Variants in SULF1 observed in about 807,000 individuals in gnomAD.
SULF1 encodes the protein sulfatase 1.
SULF1 carries 46 observed loss-of-function variants against 110.5 expected under a neutral mutation model. The ratio of observed to expected loss-of-function variants is 0.42; its 90% CI spans 0.33 to 0.53. The LOEUF (loss-of-function observed/expected upper bound fraction) is 0.53, where lower values mean the gene tolerates loss of function less well. SULF1 is among the 20% of genes least tolerant of loss of function. The pLI, the probability that SULF1 is intolerant of heterozygous loss-of-function variation, is 0.12. For synonymous variants in SULF1, 371 were observed against 387.1 expected (o/e 0.96, Z 0.49); for missense variants, 941 against 1,094.2 (o/e 0.86, Z 1.98).
Position 69,607,478 on chromosome 8 carries a change from C to G in SULF1, c.1377+2546C>G, listed in dbSNP as rs191274503. 7.9e-5 allele frequency among the ~76,000 whole-genome samples: 12 copies of G among 152,292 alleles called. No homozygotes were observed. The East Asian group carries it at 2.3e-3, about 29-fold the overall frequency. On this transcript the variant is annotated intron_variant, in intron 13 of 22. Coordinates refer to ENST00000402687, the MANE Select transcript of SULF1 (RefSeq NM_001128205.2). The stretch of plus-strand genomic sequence containing the variant: ...CTCCTGGGCTCAGGTTATCCTCCTA[C>G]CTCAGCCTCCTGAGTAGCTAGGACT...
chr8:69,590,455 G>A (rs566726284), intron 8 of SULF1, among the ~76,000 whole-genome samples: 2 of 152,274 alleles, frequency 1.3e-5, no homozygotes, highest in African/African-American at 4.8e-5. Flanking sequence ...ATGAGCCACC[G>A]CACCCAGCCT....
At chr8:69,539,679 G>A (rs925657702) in intron 3 of SULF1, among the ~76,000 whole-genome samples, 5 of 152,156 alleles carry the variant, frequency 3.3e-5, no homozygotes, top group East Asian at 1.9e-4. Flanking sequence ...GGCATTCCTC[G>A]AGTCTCGGGG....
chr8:69,658,456 A>G, intron 22 of SULF1, 49 bp from the exon 23 acceptor site: 9 of 1,404,748 alleles, frequency 6.4e-6, no homozygotes, highest in East Asian at 2.3e-5. Flanking sequence ...CCAGGTAAGT[A>G]GAAAGCCTTT....
At position 69,642,668 on chromosome 8, in the gene SULF1, G is replaced by A. The variant is rs570958901; in HGVS notation, c.2585+1827G>A. Among the ~76,000 whole-genome samples, 16 of 152,256 alleles carry A rather than the reference G, an allele frequency of 1.1e-4. No individual in the cohort carries two copies. In the East Asian group the frequency reaches 2.9e-3, roughly 28 times the overall value. On this transcript the variant is annotated intron_variant, in intron 22 of 22. Transcript: ENST00000402687. ...AATATTGACTTTACAGTTATTTTAT[G>A]AGGCACTCAATTTATAGCTAAGGGT...
intron 3 of SULF1, among the ~76,000 whole-genome samples, chr8:69,549,181 A>G (rs1352237921): frequency 6.6e-6 from 1 of 152,234 alleles, no homozygotes; most frequent in African/African-American, 2.4e-5. Context: ...GAGAAGAGCC[A>G]CAGCTTGGAG....
intron 3 of SULF1, among the ~76,000 whole-genome samples, chr8:69,532,988 A>T (rs1180168463): frequency 2.0e-5 from 3 of 152,206 alleles, no homozygotes; most frequent in Non-Finnish European, 2.9e-5. Flanking sequence ...ACTAATCTGG[A>T]TGTACTAATA....
At chr8:69,539,184 T>A (rs1813688615) in intron 3 of SULF1, among the ~76,000 whole-genome samples, 1 of 152,190 alleles carries the variant, frequency 6.6e-6, no homozygotes, top group South Asian at 2.1e-4. Flanking sequence ...TGGAAATACC[T>A]TAGCCATTGT....
At chr8:69,515,931 G>A (rs56666081) in intron 3 of SULF1, among the ~76,000 whole-genome samples, 1,615 of 152,146 alleles carry the variant, frequency 0.011, 43 homozygotes, top group East Asian at 0.091. Context: ...ATCTCCATTC[G>A]AGACCACCTC....
chr8:69,600,579 A>G, intron 8 of SULF1, 24 bp from the exon 9 acceptor site: 1 of 1,588,902 alleles, frequency 6.3e-7, no homozygotes, highest in Non-Finnish European at 8.6e-7. Flanking sequence ...ATATATAGTA[A>G]GATTCCTTTC....
At chr8:69,645,232 T>C (rs1811804773) in intron 22 of SULF1, among the ~76,000 whole-genome samples, 1 of 152,154 alleles carries the variant, frequency 6.6e-6, no homozygotes, top group African/African-American at 2.4e-5. Context: ...AAGGTCAGAC[T>C]TGGGTTAGTC....
At position 69,653,001 on chromosome 8, in the gene SULF1, A is replaced by G. The variant is rs560729761; in HGVS notation, c.2586-5504A>G. Among the ~76,000 whole-genome samples, 6 of 152,142 alleles carry G rather than the reference A, an allele frequency of 3.9e-5. No individual in the cohort carries two copies. In the East Asian group the frequency reaches 1.2e-3, roughly 29 times the overall value. On this transcript the variant is annotated intron_variant, in intron 22 of 22. Transcript: ENST00000402687. ...TTAACAGCATCAATTTCGGCAAACT[A>G]TTTTCCTGAGCAACTACGTTTCATC...
intron 3 of SULF1, among the ~76,000 whole-genome samples, chr8:69,555,373 G>C (rs1413597062): frequency 2.0e-5 from 3 of 152,086 alleles, no homozygotes; most frequent in South Asian, 4.1e-4. Context: ...AAGTAGGCCA[G>C]TGGGCTGGGC....
intron 5 of SULF1, among the ~76,000 whole-genome samples, chr8:69,564,705 G>A (rs545889900): frequency 2.4e-4 from 37 of 152,294 alleles, no homozygotes; most frequent in African/African-American, 8.4e-4. Context: ...TAGGCTAAGC[G>A]TAGAGCACCC....
chr8:69,581,870 C>T (rs1806091975), intron 6 of SULF1, among the ~76,000 whole-genome samples: 1 of 152,078 alleles, frequency 6.6e-6, no homozygotes, highest in South Asian at 2.1e-4. Flanking sequence ...AGTGCTGCAC[C>T]CTGACACCCA....
At chr8:69,645,627 T>C (rs1811842608) in intron 22 of SULF1, among the ~76,000 whole-genome samples, 1 of 152,004 alleles carries the variant, frequency 6.6e-6, no homozygotes, top group African/African-American at 2.4e-5. Flanking sequence ...TTCCAAGGAG[T>C]TGGCATTTAT....
chr8:69,586,257 T>C lies in SULF1; in HGVS notation c.413-100T>C. The C allele has an allele frequency of 3.1e-6, 4 of 1,285,384 alleles. No homozygotes were observed. In the Admixed American group the frequency reaches 8.8e-5, roughly 28 times the overall value. 79.6% of individuals were successfully genotyped at this position (1,285,384 alleles called of 1,614,324 possible). A position where few individuals can be genotyped will look rare whatever the true frequency, so the allele number is the denominator to read the frequency against. On this transcript the variant is annotated intron_variant, in intron 6 of 22. Transcript: ENST00000402687. Reference sequence around the variant, plus strand: ...ATTCACTATTACCTAGGGCAACTTTTGTTTTACCGTCTCTTTTTCAAGTCA... The same window carrying C: ...ATTCACTATTACCTAGGGCAACTTTCGTTTTACCGTCTCTTTTTCAAGTCA...
intron 3 of SULF1, among the ~76,000 whole-genome samples, chr8:69,558,172 G>A (rs1298763654): frequency 6.6e-6 from 1 of 152,152 alleles, no homozygotes; most frequent in Non-Finnish European, 1.5e-5. Context: ...CCAAAATTAA[G>A]GGGAAAGGGC....
intron 6 of SULF1, among the ~76,000 whole-genome samples, chr8:69,577,976 A>T (rs1190223550): frequency 1.3e-5 from 2 of 152,124 alleles, no homozygotes. Flanking sequence ...CCTGGCAAAC[A>T]GAAACAAAGA....
In SULF1 at chr8:69,628,204, A is replaced by G; in HGVS notation, c.2076A>G (p.Gln692=). ...YYNKEKGVKK[Q]EKLKSHLHPF... ...ATAAAGAGAAAGGTGTAAAAAAGCA[A>G]GAGAAATTAAAGAGCCATCTTCACC... The change falls in exon 18 of 23, where the codon CAA becomes CAG. Residue 692 remains glutamine, a synonymous_variant. Coordinates refer to ENST00000402687, the MANE Select transcript of SULF1 (RefSeq NM_001128205.2). 6.2e-7 allele frequency: 1 copy of G among 1,614,084 alleles called. No individual in the cohort carries two copies. The highest frequency in any genetic ancestry group is 8.5e-7 in the Non-Finnish European group (1 of 1,179,894).
Sources: gnomAD v4.1 joint callset for allele counts (sites outside exome capture counted in the v4.1 genomes callset) on GRCh38, gnomAD v4.1.1 for gene constraint, MANE v1.5 for transcripts, NCBI Gene and HGNC (gene_info 2026-07-23, HGNC 2026-07-21) for gene names.